TMEM230: variants seen among roughly 807,000 people sequenced by gnomAD.
TMEM230 encodes the protein transmembrane protein 230.
TMEM230 carries 10 observed loss-of-function variants against 15.8 expected under a neutral mutation model. That is an observed-to-expected ratio of 0.63 (90% CI 0.39 to 1.07). The LOEUF is 1.07. TMEM230 is among the 50% of genes least tolerant of loss of function. The pLI is 0.01. For missense variants in TMEM230, 165 were observed against 193.3 expected (o/e 0.85, Z 0.87); for synonymous variants, 67 against 76.9 (o/e 0.87, Z 0.68).
In TMEM230 at chr20:5,077,473, T is replaced by A. The variant is rs754144799; in HGVS notation, c.223-8124A>T. 1.5e-4 allele frequency among the ~76,000 whole-genome samples: 20 copies of A among 135,416 alleles called. 2 individuals carry two copies. Among genetic ancestry groups the A allele is most frequent in the Non-Finnish European group, 3.1e-4 (18 of 57,462 alleles). The allele number at this position is 135,416 out of a possible 152,430, so 88.8% of individuals were successfully genotyped here. ...TAATCCCAACATTTTGGGAGGTGGGTGGATCACCTGAGGTCAGGAGTTCCA... is the reference window on the plus strand; with the variant it reads ...TAATCCCAACATTTTGGGAGGTGGGAGGATCACCTGAGGTCAGGAGTTCCA... On this transcript the variant is annotated intron_variant, in intron 3 of 3. Transcript: ENST00000612323.
chr20:5,093,138 T>C (rs1171456747), intron 3 of TMEM230, among the ~76,000 whole-genome samples: 1 of 152,146 alleles, frequency 6.6e-6, no homozygotes, highest in Non-Finnish European at 1.5e-5. Context: ...TAAATAAAGT[T>C]GTAGGATACA....
intron 3 of TMEM230, among the ~76,000 whole-genome samples, chr20:5,077,550 T>G (rs1265776631): frequency 1.5e-5 from 2 of 137,132 alleles, no homozygotes; most frequent in Non-Finnish European, 3.4e-5. Flanking sequence ...AATACAAAAA[T>G]TAACTGGGCA....
chr20:5,059,815 G>A, the TMEM230 span, among the ~76,000 whole-genome samples: 125 of 125,660 alleles, frequency 9.9e-4, 1 homozygote, highest in African/African-American at 3.7e-3. Flanking sequence ...TCGCTCTGTC[G>A]CCCAGGCTGG....
At chr20:5,108,163 T>C (rs1017944052) in intron 3 of TMEM230, among the ~76,000 whole-genome samples, 4 of 151,946 alleles carry the variant, frequency 2.6e-5, no homozygotes, top group African/African-American at 9.7e-5. Context: ...CTCACGCCTA[T>C]AATCCCAGCA....
chr20:5,084,627 T>C (rs1246254904), intron 3 of TMEM230, among the ~76,000 whole-genome samples: 1 of 152,082 alleles, frequency 6.6e-6, no homozygotes, highest in Non-Finnish European at 1.5e-5. Flanking sequence ...CTCCGCTTCC[T>C]GGGTTCAAGC....
chr20:5,072,400 T>A (rs971276072), intron 3 of TMEM230, among the ~76,000 whole-genome samples: 5 of 152,070 alleles, frequency 3.3e-5, no homozygotes, highest in African/African-American at 7.2e-5. Flanking sequence ...GGACCATAGT[T>A]CCCTGTCCAT....
At chr20:5,083,511 C>A (rs2089244385) in intron 3 of TMEM230, among the ~76,000 whole-genome samples, 1 of 152,020 alleles carries the variant, frequency 6.6e-6, no homozygotes, top group South Asian at 2.1e-4. Flanking sequence ...CTCCTTCAAC[C>A]TATTAGGGCA....
chr20:5,080,122 T>C (rs1439052323), intron 3 of TMEM230, among the ~76,000 whole-genome samples: 1 of 152,230 alleles, frequency 6.6e-6, no homozygotes, highest in Non-Finnish European at 1.5e-5. Flanking sequence ...CTAAATGTTA[T>C]TCTAGTAGAG....
intron 3 of TMEM230, among the ~76,000 whole-genome samples, chr20:5,070,681 T>C (rs1382637684): frequency 1.3e-5 from 2 of 152,222 alleles, no homozygotes; most frequent in African/African-American, 4.8e-5. Context: ...ATTTAATTAT[T>C]GAGAGGGTGA....
chr20:5,092,804 T>C (rs1162067138), intron 3 of TMEM230, among the ~76,000 whole-genome samples: 1 of 151,010 alleles, frequency 6.6e-6, no homozygotes, highest in African/African-American at 2.4e-5. Context: ...TTTGAGAAAA[T>C]CTGACATCCT....
intron 3 of TMEM230, among the ~76,000 whole-genome samples, chr20:5,085,707 A>G (rs1213312549): frequency 6.6e-6 from 1 of 152,204 alleles, no homozygotes; most frequent in Non-Finnish European, 1.5e-5. Flanking sequence ...CCAGACAAAA[A>G]AAAGCCATAC....
intron 3 of TMEM230, among the ~76,000 whole-genome samples, chr20:5,083,669 C>G (rs1443222504): frequency 6.6e-6 from 1 of 152,112 alleles, no homozygotes; most frequent in African/African-American, 2.4e-5. Context: ...TTAACACATT[C>G]GTTTGGATGG....
chr20:5,086,576 A>C (rs928475554), intron 3 of TMEM230, among the ~76,000 whole-genome samples: 1 of 151,272 alleles, frequency 6.6e-6, no homozygotes, highest in Admixed American at 6.6e-5. Flanking sequence ...AAGAAAAAAA[A>C]GTATCTGTAT....
intron 3 of TMEM230, among the ~76,000 whole-genome samples, chr20:5,084,512 G>A (rs1469904861): frequency 6.6e-6 from 1 of 151,390 alleles, no homozygotes; most frequent in Non-Finnish European, 1.5e-5. Flanking sequence ...ATGAGCCACT[G>A]CGCCCGTCTT....
intron 3 of TMEM230, among the ~76,000 whole-genome samples, chr20:5,078,186 G>C (rs573965603): frequency 1.7e-4 from 26 of 152,086 alleles, no homozygotes; most frequent in African/African-American, 6.3e-4. Flanking sequence ...AGACGCCCAG[G>C]GACCCATGCT....
Position 5,109,339 on chromosome 20 carries a change from T to TC in TMEM230, c.280dup (p.Asp94GlyfsTer5). 1 of 1,611,656 alleles carries TC rather than the reference T, an allele frequency of 6.2e-7. No individual in the cohort carries two copies. On this transcript the variant is annotated frameshift_variant, in exon 3 of 5. Transcript: ENST00000342308. LOFTEE classifies it high-confidence loss of function. ...GTTCTCTTCTGCATTTACCTGAAGG[T>TC]CAATGTAGCCATCGTCTGTGCTGGA...
At chr20:5,071,952 T>C (rs529532049) in intron 3 of TMEM230, among the ~76,000 whole-genome samples, 3 of 152,256 alleles carry the variant, frequency 2.0e-5, no homozygotes, top group Non-Finnish European at 4.4e-5. Context: ...GGTTTCACCA[T>C]GTTGGTCAAG....
At chr20:5,064,002 G>A (rs4552253), downstream of TMEM230, among the ~76,000 whole-genome samples, 89,215 of 151,936 alleles carry the variant, frequency 0.59, 26,646 homozygotes, top group East Asian at 0.81. Context: ...GTGGTGGTGC[G>A]CATCTGTAAT....
Position 5,069,429 on chromosome 20 carries a change from T to C in TMEM230, c.223-80A>G, listed in dbSNP as rs145984435. On this transcript the variant is annotated intron_variant, in intron 3 of 3. Coordinates refer to the TMEM230 transcript ENST00000612323. Reference sequence around the variant, plus strand: ...TCAAAAAATCCTAATTGTCAAGAAATCACATCTTATGCATTTTGGTGCTCC... The same window carrying C: ...TCAAAAAATCCTAATTGTCAAGAAACCACATCTTATGCATTTTGGTGCTCC... 1,310 of 1,410,408 alleles carry C rather than the reference T, an allele frequency of 9.3e-4. 9 individuals carry two copies. In the African/African-American group the frequency reaches 0.017, roughly 18 times the overall value. The allele number at this position is 1,410,408 out of a possible 1,614,324, so 87.4% of individuals were successfully genotyped here. A position where few individuals can be genotyped will look rare whatever the true frequency, so the allele number is the denominator to read the frequency against.
Sources: allele counts gnomAD v4.1 joint callset (sites outside exome capture counted in the v4.1 genomes callset), GRCh38; gene constraint gnomAD v4.1.1; transcripts MANE v1.5; gene names NCBI Gene and HGNC (gene_info 2026-07-23, HGNC 2026-07-21).